The following ERICH1 variants were observed in gnomAD, a reference collection of about 807,000 sequenced individuals.
ERICH1 encodes the protein glutamate-rich protein 1.
In ERICH1, 56 loss-of-function variants were observed where a neutral mutation model predicts 39.6. The ratio of observed to expected loss-of-function variants is 1.41; its 90% CI spans 1.14 to 1.77. The LOEUF (loss-of-function observed/expected upper bound fraction) is 1.77. Ranked by LOEUF, ERICH1 falls within the 40% of genes most tolerant of loss-of-function variation. The pLI is 0.00. For synonymous variants in ERICH1, 313 were observed against 223.6 expected (o/e 1.40, Z -3.57); for missense variants, 826 against 575.4 (o/e 1.44, Z -4.45).
rs550811294 is a variant in ERICH1 at position 727,043 on chromosome 8, GCACATACACATGCACACACGTA to G, written c.22+4075_22+4096del. On this transcript the variant is annotated intron_variant, in intron 1 of 5. Coordinates refer to ENST00000262109, the MANE Select transcript of ERICH1 (RefSeq NM_207332.3). ...GCATGCACACACATACACCACTCAGGCACATACACATGCACACACGTACACATACACATACACACACGCACAC... is the reference window on the plus strand; with the variant it reads ...GCATGCACACACATACACCACTCAGGCACATACACATACACACACGCACAC... 1.9e-3 allele frequency among the ~76,000 whole-genome samples: 260 copies of G among 135,500 alleles called. 1 individual carries two copies. The highest frequency in any genetic ancestry group is 6.8e-3 in the African/African-American group (248 of 36,354). 88.9% of individuals were successfully genotyped at this position (135,500 alleles called of 152,430 possible). A position where few individuals can be genotyped will look rare whatever the true frequency, so the allele number is the denominator to read the frequency against.
At chr8:615,105 G>A (rs1050345391) in exon 4 of ERICH1, 2 of 601,624 alleles carry the variant, frequency 3.3e-6, no homozygotes, top group African/African-American at 1.9e-5. Context: ...GCCTTGCAAA[G>A]CTTGCTGCAT....
chr8:658,572 C>G (rs1468484129), intron 3 of ERICH1, among the ~76,000 whole-genome samples: 1 of 152,172 alleles, frequency 6.6e-6, no homozygotes. Context: ...ATCCGCGGCC[C>G]ACGTCCATGT....
chr8:617,568 T>C (rs900622140), intron 3 of ERICH1, among the ~76,000 whole-genome samples: 1 of 146,160 alleles, frequency 6.8e-6, no homozygotes, highest in Non-Finnish European at 1.5e-5. Context: ...TACTCAGTCT[T>C]TTCTCACTGC....
intron 1 of ERICH1, among the ~76,000 whole-genome samples, chr8:728,448 G>T (rs1207617619): frequency 1.3e-5 from 2 of 152,146 alleles, no homozygotes; most frequent in African/African-American, 4.8e-5. Context: ...ATCGCAGCAG[G>T]CCCCTTCCTC....
intron 2 of ERICH1, among the ~76,000 whole-genome samples, chr8:698,927 G>A (rs1811021575): frequency 6.7e-6 from 1 of 150,030 alleles, no homozygotes; most frequent in Non-Finnish European, 1.5e-5. Flanking sequence ...TAACCAGGGA[G>A]GCTCTCCAGG....
At chr8:691,892 G>C (rs1808983635) in intron 3 of ERICH1, among the ~76,000 whole-genome samples, 1 of 152,156 alleles carries the variant, frequency 6.6e-6, no homozygotes, top group African/African-American at 2.4e-5. Context: ...AACGTGAAGT[G>C]AAAAACAACT....
chr8:723,264 G>A (rs533075175), intron 1 of ERICH1, among the ~76,000 whole-genome samples: 3 of 152,292 alleles, frequency 2.0e-5, no homozygotes, highest in African/African-American at 4.8e-5. Flanking sequence ...CTGCAGAACC[G>A]TGAGCCCAGC....
chr8:654,765 C>T lies in ERICH1; in HGVS notation c.976+13833G>A, dbSNP rs574949245. ...GACTTGGGCTGACACCACAGTGTCC[C>T]CGTTGCTGGGAGGGGCAGGCAGTGG... On this transcript the variant is annotated intron_variant, in intron 3 of 3. Coordinates refer to the ERICH1 transcript ENST00000522706. Among the ~76,000 whole-genome samples the T allele has an allele frequency of 2.0e-5, 3 of 152,162 alleles. No homozygotes were observed. In the East Asian group the frequency reaches 5.8e-4, roughly 30 times the overall value.
intron 3 of ERICH1, among the ~76,000 whole-genome samples, chr8:642,106 G>A (rs1799059380): frequency 2.6e-5 from 4 of 152,172 alleles, no homozygotes; most frequent in Admixed American, 2.6e-4. Flanking sequence ...TTCACTTTGG[G>A]TGAGCACATG....
At chr8:708,541 C>A (rs775836877) in intron 2 of ERICH1, among the ~76,000 whole-genome samples, 2 of 152,072 alleles carry the variant, frequency 1.3e-5, no homozygotes, top group Non-Finnish European at 2.9e-5. Context: ...TGAAAAAACC[C>A]AGACACAAAG....
chr8:647,131 C>T (rs1336614847), intron 3 of ERICH1, among the ~76,000 whole-genome samples: 1 of 66,976 alleles, frequency 1.5e-5, no homozygotes, highest in African/African-American at 4.0e-5. Flanking sequence ...CCTTGGCGCG[C>T]CCTTGGCAGC....
At chr8:620,344 A>C (rs1395958454) in intron 3 of ERICH1, among the ~76,000 whole-genome samples, 1 of 152,172 alleles carries the variant, frequency 6.6e-6, no homozygotes. Flanking sequence ...AAAGAAAACA[A>C]AAAGCATAAT....
At chr8:699,525 C>A (rs902944129) in intron 2 of ERICH1, among the ~76,000 whole-genome samples, 1 of 152,206 alleles carries the variant, frequency 6.6e-6, no homozygotes, top group African/African-American at 2.4e-5. Context: ...CCCTCCCCAC[C>A]CCTCAGGGTG....
At chr8:715,840 C>A (rs750710130) in intron 2 of ERICH1, 21 bp downstream of exon 2, 2 of 1,597,666 alleles carry the variant, frequency 1.3e-6, no homozygotes. Context: ...GAGACCCACC[C>A]ACATCTGCAG....
intron 3 of ERICH1, among the ~76,000 whole-genome samples, chr8:643,418 G>C (rs543794627): frequency 2.0e-5 from 3 of 152,164 alleles, no homozygotes; most frequent in Admixed American, 1.3e-4. Context: ...TCCATGGCCC[G>C]GCTCTCATGG....
At chr8:671,492 GGTTCTAAT>G (rs1161401957) in intron 4 of ERICH1, among the ~76,000 whole-genome samples, 1 of 139,762 alleles carries the variant, frequency 7.2e-6, no homozygotes, top group Non-Finnish European at 1.5e-5. Context: ...TGCCAGCCCC[GGTTCTAAT>G]GTCTGTGCTC....
chr8:631,281 C>T (rs1798022689), intron 3 of ERICH1, among the ~76,000 whole-genome samples: 2 of 152,250 alleles, frequency 1.3e-5, no homozygotes, highest in African/African-American at 4.8e-5. Flanking sequence ...CGTGCCCCTG[C>T]TCCACCTCTG....
intron 3 of ERICH1, among the ~76,000 whole-genome samples, chr8:638,839 G>A (rs1319006284): frequency 1.3e-5 from 2 of 152,104 alleles, no homozygotes; most frequent in African/African-American, 4.8e-5. Flanking sequence ...GCAAGGCCAC[G>A]GCAGTCACCC....
At chr8:690,079 C>A (rs935769518) in intron 3 of ERICH1, among the ~76,000 whole-genome samples, 1 of 152,160 alleles carries the variant, frequency 6.6e-6, no homozygotes, top group African/African-American at 2.4e-5. Flanking sequence ...CAAGACGCAA[C>A]CCCACGTCAA....
Sources: allele counts gnomAD v4.1 joint callset (sites outside exome capture counted in the v4.1 genomes callset), GRCh38; gene constraint gnomAD v4.1.1; transcripts MANE v1.5; gene names NCBI Gene and HGNC (gene_info 2026-07-23, HGNC 2026-07-21).